The following ZNF804B variants were observed in gnomAD, a reference collection of about 807,000 sequenced individuals.
The protein encoded by ZNF804B is zinc finger protein 804B.
In ZNF804B, 80 loss-of-function variants were observed where a neutral mutation model predicts 101.4. The ratio of observed to expected loss-of-function variants is 0.79; its 90% CI spans 0.66 to 0.95. The LOEUF (loss-of-function observed/expected upper bound fraction) is 0.95. Ranked by LOEUF, ZNF804B falls within the 40% of genes least tolerant of loss-of-function variation. ZNF804B has a pLI of 0.00. For synonymous variants in ZNF804B, 622 were observed against 558.8 expected (o/e 1.11, Z -1.59); for missense variants, 1,673 against 1,561.9 (o/e 1.07, Z -1.20).
intron 2 of ZNF804B, among the ~76,000 whole-genome samples, chr7:89,220,178 T>C (rs28567830): frequency 0.072 from 2,557 of 35,284 alleles, 807 homozygotes; most frequent in African/African-American, 0.19. Flanking sequence ...TATATATGTG[T>C]GTATATATAT....
At chr7:89,185,985 T>C (rs1358808121) in intron 1 of ZNF804B, among the ~76,000 whole-genome samples, 2 of 152,254 alleles carry the variant, frequency 1.3e-5, no homozygotes, top group South Asian at 2.1e-4. Context: ...TACGTTCTTA[T>C]ATTAAAATCT....
intron 2 of ZNF804B, 41 bp from the exon 3 acceptor site, chr7:89,327,303 A>G: frequency 6.5e-7 from 1 of 1,537,006 alleles, no homozygotes; most frequent in Admixed American, 2.2e-5. Flanking sequence ...AGAATATATT[A>G]TTTATTTATA....
chr7:89,132,177 C>T (rs201278778), intron 1 of ZNF804B, among the ~76,000 whole-genome samples: 3 of 77,354 alleles, frequency 3.9e-5, no homozygotes, highest in Non-Finnish European at 9.6e-5. Context: ...CATACACACA[C>T]ACACACACAC....
chr7:89,205,303 A>G (rs1256610111), intron 1 of ZNF804B, among the ~76,000 whole-genome samples: 1 of 152,158 alleles, frequency 6.6e-6, no homozygotes, highest in Admixed American at 6.5e-5. Context: ...TCATGTCCTC[A>G]CATTTCAAAA....
intron 1 of ZNF804B, among the ~76,000 whole-genome samples, chr7:88,987,118 C>T (rs1375493984): frequency 6.6e-6 from 1 of 152,078 alleles, no homozygotes; most frequent in Non-Finnish European, 1.5e-5. Context: ...ATTACAATTG[C>T]ATGAAATTTT....
chr7:88,978,827 CTTCCTTCT>C (rs1793655263), intron 1 of ZNF804B, among the ~76,000 whole-genome samples: 1 of 148,698 alleles, frequency 6.7e-6, no homozygotes, highest in Non-Finnish European at 1.5e-5. Flanking sequence ...TCCCTCCTTC[CTTCCTTCT>C]TTCCTTCTTT....
intron 2 of ZNF804B, among the ~76,000 whole-genome samples, chr7:89,238,048 A>T (rs2115755388): frequency 6.6e-6 from 1 of 152,298 alleles, no homozygotes; most frequent in East Asian, 1.9e-4. Flanking sequence ...GGCAAAAAAG[A>T]TTCAAAATGC....
rs775080121 is a variant in ZNF804B, at chr7:89,336,554, C to T, written c.3572C>T (p.Pro1191Leu). ...GCTGCAGGGCCTACTGCCTTCTCTCCGGCCTCAACCGTACAGACAGTTCCA... is the reference window on the plus strand; with the variant it reads ...GCTGCAGGGCCTACTGCCTTCTCTCTGGCCTCAACCGTACAGACAGTTCCA... ...LPAAGPTAFS[P>L]ASTVQTVPVH... Residue 1191 changes from proline to leucine, a missense_variant, in exon 4 of 4, where the codon CCG becomes CTG. Coordinates refer to ENST00000333190, the MANE Select transcript of ZNF804B (RefSeq NM_181646.5). The T allele has an allele frequency of 6.8e-5, 109 of 1,613,990 alleles. No individual in the cohort carries two copies. The highest frequency in any genetic ancestry group is 3.3e-4 in the Middle Eastern group (2 of 6,084).
At chr7:89,283,210 A>T (rs1790126874) in intron 2 of ZNF804B, among the ~76,000 whole-genome samples, 2 of 152,186 alleles carry the variant, frequency 1.3e-5, no homozygotes, top group African/African-American at 4.8e-5. Flanking sequence ...TTATAAAAAA[A>T]GAAAATTAAA....
At chr7:89,170,628 T>A (rs1791208896) in intron 1 of ZNF804B, among the ~76,000 whole-genome samples, 1 of 152,188 alleles carries the variant, frequency 6.6e-6, no homozygotes, top group Non-Finnish European at 1.5e-5. Context: ...TGAGGCTGAA[T>A]TTTTTCTTGT....
chr7:89,029,288 G>A (rs1022528562), intron 1 of ZNF804B, among the ~76,000 whole-genome samples: 12 of 152,036 alleles, frequency 7.9e-5, no homozygotes, highest in African/African-American at 2.7e-4. Context: ...ATTTTTACTA[G>A]AAATGGGGTT....
chr7:89,328,831 G>T (rs1790933271), intron 3 of ZNF804B, among the ~76,000 whole-genome samples: 1 of 151,820 alleles, frequency 6.6e-6, no homozygotes, highest in Non-Finnish European at 1.5e-5. Flanking sequence ...ATATAATTTT[G>T]GTTGTTTGTT....
intron 1 of ZNF804B, among the ~76,000 whole-genome samples, chr7:89,043,527 AATG>A (rs1789051081): frequency 6.6e-6 from 1 of 152,228 alleles, no homozygotes; most frequent in African/African-American, 2.4e-5. Context: ...TTCCTGGAAT[AATG>A]TCATTGAGAA....
At chr7:89,016,943 C>T (rs1346632427) in intron 1 of ZNF804B, among the ~76,000 whole-genome samples, 7 of 152,130 alleles carry the variant, frequency 4.6e-5, no homozygotes, top group East Asian at 1.9e-4. Flanking sequence ...GCCGTTTTCA[C>T]GATATTGATT....
At chr7:89,052,337 T>C (rs980908486) in intron 1 of ZNF804B, among the ~76,000 whole-genome samples, 6 of 152,014 alleles carry the variant, frequency 3.9e-5, no homozygotes, top group Admixed American at 6.6e-5. Flanking sequence ...AGTTTTATAA[T>C]TTTTCTGTGT....
intron 1 of ZNF804B, among the ~76,000 whole-genome samples, chr7:89,111,897 A>G (rs1185218278): frequency 6.6e-6 from 1 of 152,008 alleles, no homozygotes; most frequent in Non-Finnish European, 1.5e-5. Context: ...TGAAGTCAGG[A>G]GTTTGACACC....
chr7:89,003,104 C>A (rs190953861), intron 1 of ZNF804B, among the ~76,000 whole-genome samples: 2 of 151,482 alleles, frequency 1.3e-5, no homozygotes, highest in East Asian at 3.9e-4. Flanking sequence ...CACTAGATCC[C>A]TTTCAGTTTC....
At chr7:88,908,373 A>G (rs1005594324) in intron 1 of ZNF804B, among the ~76,000 whole-genome samples, 20 of 151,688 alleles carry the variant, frequency 1.3e-4, no homozygotes, top group African/African-American at 4.8e-4. Context: ...AATAATGAAC[A>G]CCTGTACATA....
intron 2 of ZNF804B, among the ~76,000 whole-genome samples, chr7:89,223,574 A>C (rs1378785143): frequency 6.6e-6 from 1 of 151,342 alleles, no homozygotes; most frequent in African/African-American, 2.4e-5. Flanking sequence ...GAGCTTTAAA[A>C]ATATTTTTCT....
Sources: allele counts gnomAD v4.1 joint callset (sites outside exome capture counted in the v4.1 genomes callset), GRCh38; gene constraint gnomAD v4.1.1; transcripts MANE v1.5; gene names NCBI Gene and HGNC (gene_info 2026-07-23, HGNC 2026-07-21).